Variants in ABHD16A observed in about 807,000 individuals in gnomAD.
ABHD16A encodes abhydrolase domain containing 16A, phospholipase.
Under a neutral mutation model 89.8 loss-of-function variants are expected in ABHD16A, and 47 were observed. The ratio of observed to expected loss-of-function variants is 0.52; its 90% CI spans 0.41 to 0.67. ABHD16A has a LOEUF of 0.67. Ranked by LOEUF, ABHD16A falls within the 30% of genes least tolerant of loss-of-function variation. ABHD16A has a pLI of 0.00. For missense variants in ABHD16A, 580 were observed against 734.6 expected, an observed-to-expected ratio of 0.79 and a Z score of 2.43; for synonymous variants, 251 against 280.4, an observed-to-expected ratio of 0.90 and a Z score of 1.05.
chr6:31,687,634 C>G lies in ABHD16A; in HGVS notation c.1546+8G>C, dbSNP rs1255977707. The G allele has an allele frequency of 6.2e-7, 1 of 1,612,986 alleles. No homozygotes were observed. The highest frequency in any genetic ancestry group is 1.7e-5 in the Admixed American group (1 of 60,028). On this transcript the variant is annotated splice_region_variant and intron_variant, in intron 18 of 19. Coordinates refer to ENST00000395952, the MANE Select transcript of ABHD16A (RefSeq NM_021160.3). This position sits in a 1 kb window ranked among gnomAD's most constrained non-coding sequence, Gnocchi z 6.3. The stretch of plus-strand genomic sequence containing the variant: ...CCCACCCTCTCTCCTGCCCCAGGAG[C>G]TCCTTACCCACGCTCCAGGGGAAGT...
Position 31,690,042 on chromosome 6 carries a change from T to C in ABHD16A, c.957+36A>G, listed in dbSNP as rs747572468. On this transcript the variant is annotated intron_variant, in intron 11 of 19. Coordinates refer to ENST00000395952, the MANE Select transcript of ABHD16A (RefSeq NM_021160.3). The surrounding 1 kb of genome is among the most constrained non-coding windows in gnomAD (Gnocchi z 4.1). ...GCTGACCAGAGGGAAACAGACATAA[T>C]TCAGGAAAAGGAAGGGATTCCTGAG... 6.4e-7 allele frequency: 1 copy of C among 1,556,156 alleles called. No homozygotes were observed. Among genetic ancestry groups the C allele is most frequent in the South Asian group, 1.2e-5 (1 of 82,152 alleles).
chr6:31,687,665 C>G lies in ABHD16A; in HGVS notation c.1523G>C (p.Gly508Ala). The G allele has an allele frequency of 1.2e-6, 2 of 1,612,902 alleles. No individual in the cohort carries two copies. The highest frequency in any genetic ancestry group is 2.2e-5 in the South Asian group (2 of 91,078). ...SVLRSYQAEH[G>A]PDFPWSVGED... Reference sequence around the variant, plus strand: ...ACCCACGCTCCAGGGGAAGTCGGGCCCGTGTTCTGCCTGGTAGGAGCGGAG... The same window carrying G: ...ACCCACGCTCCAGGGGAAGTCGGGCGCGTGTTCTGCCTGGTAGGAGCGGAG... Residue 508 changes from glycine (G) to alanine (A), a missense_variant, in exon 18 of 20, where the codon GGG becomes GCG. Physicochemically the swap from Gly to Ala is moderately conservative, Grantham distance 60 (BLOSUM62 0). Around this residue, in one of 2 missense-constraint regions of ABHD16A, gnomAD observed 415 missense variants for 568.8 expected, o/e 0.73. Transcript: ENST00000395952. This position sits in a 1 kb window ranked among gnomAD's most constrained non-coding sequence, Gnocchi z 6.3.
chr6:31,689,219 C>T, intron 12 of ABHD16A, 100 bp from the exon 13 acceptor site: 1 of 1,054,062 alleles, frequency 9.5e-7, no homozygotes, highest in South Asian at 1.6e-5. Flanking sequence ...CAACCCCATT[C>T]CCCCTATGTT....
rs745835378 is a variant in ABHD16A at position 31,701,298 on chromosome 6, C to T, written c.232G>A (p.Ala78Thr). The T allele has an allele frequency of 1.5e-5, 24 of 1,613,320 alleles. No individual in the cohort carries two copies. The highest frequency in any genetic ancestry group is 1.9e-5 in the Non-Finnish European group (22 of 1,179,764). Residue 78 changes from alanine (A) to threonine (T), a missense_variant, in exon 3 of 20, where the codon GCC becomes ACC. Ala to Thr is a moderately conservative substitution (Grantham distance 58). Around this residue, in one of 2 missense-constraint regions of ABHD16A, gnomAD observed 165 missense variants for 165.8 expected, o/e 1.00. Transcript: ENST00000395952. Reference protein sequence around the residue: ...WSISYYSSPFAFFYLYRKGYL... With the variant: ...WSISYYSSPFTFFYLYRKGYL... ...CCTTTCCTGTACAAGTAGAAGAAGGCGAAGGGAGAGGAGTAATAAGAGATG... is the reference window on the plus strand; with the variant it reads ...CCTTTCCTGTACAAGTAGAAGAAGGTGAAGGGAGAGGAGTAATAAGAGATG...
Position 31,687,130 on chromosome 6 carries a change from G to C in ABHD16A, c.*82C>G. The C allele has an allele frequency of 1.5e-6, 2 of 1,337,408 alleles. No homozygotes were observed. Among genetic ancestry groups the C allele is most frequent in the Non-Finnish European group, 1.0e-6 (1 of 957,706 alleles). 82.8% of individuals were successfully genotyped at this position (1,337,408 alleles called of 1,614,324 possible). ...TTCCACAAACTATAAACAGCAACAT[G>C]AACACAGAGAATCACAAATAAGAGG... On this transcript the variant is annotated 3_prime_UTR_variant, in exon 20 of 20. Transcript: ENST00000395952. The surrounding 1 kb of genome is among the most constrained non-coding windows in gnomAD (Gnocchi z 6.3).
chr6:31,701,566 T>TGGAATTATGGA (rs1348772098), intron 2 of ABHD16A, among the ~76,000 whole-genome samples: 6 of 152,186 alleles, frequency 3.9e-5, no homozygotes, highest in Admixed American at 6.5e-5. Flanking sequence ...TTTCTTCCTC[T>TGGAATTATGGA]GGAATTATGG....
chr6:31,688,411 A>C lies in ABHD16A; in HGVS notation c.1251-106T>G. The stretch of plus-strand genomic sequence containing the variant: ...AGCATTCTTACCCTCCCCTTGCTAT[A>C]GCACAGCCCTTGACCTAGCCCTTCA... On this transcript the variant is annotated intron_variant, in intron 14 of 19. Transcript: ENST00000395952. The surrounding 1 kb of genome is among the most constrained non-coding windows in gnomAD (Gnocchi z 4.9). 8.4e-7 allele frequency: 1 copy of C among 1,191,900 alleles called. No homozygotes were observed. Among genetic ancestry groups the C allele is most frequent in the South Asian group, 1.3e-5 (1 of 78,332 alleles). 73.8% of individuals were successfully genotyped at this position (1,191,900 alleles called of 1,614,324 possible).
chr6:31,697,074 G>C (rs1157421024), intron 4 of ABHD16A, 41 bp from the exon 5 acceptor site: 1 of 1,558,870 alleles, frequency 6.4e-7, no homozygotes, highest in South Asian at 1.1e-5. Context: ...GGAAAACTGG[G>C]AAGCAGAAAG....
At position 31,687,176 on chromosome 6, in the gene ABHD16A, T is replaced by C. The variant is rs1185163520; in HGVS notation, c.*36A>G. On this transcript the variant is annotated 3_prime_UTR_variant, in exon 20 of 20. Coordinates refer to ENST00000395952, the MANE Select transcript of ABHD16A (RefSeq NM_021160.3). The surrounding 1 kb of genome is among the most constrained non-coding windows in gnomAD (Gnocchi z 6.3). ...AGAGGGTCTTTCCTCATGTCTCCTC[T>C]CACCCCATTCTTCCATAATGAGTCC... 1 of 1,568,714 alleles carries C rather than the reference T, an allele frequency of 6.4e-7. No homozygotes were observed. Among genetic ancestry groups the C allele is most frequent in the Admixed American group, 1.7e-5 (1 of 59,284 alleles).
At chr6:31,695,805 C>T (rs1456687054) in intron 5 of ABHD16A, among the ~76,000 whole-genome samples, 1 of 152,174 alleles carries the variant, frequency 6.6e-6, no homozygotes, top group Non-Finnish European at 1.5e-5. Context: ...CCAAGGCAGG[C>T]AGATCGTCTG....
At position 31,688,784 on chromosome 6, in the gene ABHD16A, C is replaced by T. The variant is rs767820748; in HGVS notation, c.1189G>A (p.Gly397Ser). Residue 397 changes from glycine (G) to serine (S), a missense_variant and splice_region_variant, in exon 14 of 20, where the codon GGC becomes AGC. Transcript: ENST00000395952. The surrounding 1 kb of genome is among the most constrained non-coding windows in gnomAD (Gnocchi z 4.9). ...TGCCTCACGGTCCTGGTCACCAGGC[C>T]CCCTAGAGTGGGATAAAGGTGAAGG... The part of the protein sequence containing the change: ...ALKVMPDSWR[G>S]LVTRTVRQHL... The T allele has an allele frequency of 1.2e-5, 19 of 1,612,790 alleles. No homozygotes were observed. The highest frequency in any genetic ancestry group is 1.6e-5 in the Non-Finnish European group (19 of 1,179,870).
chr6:31,691,284 T>G (rs1004220585), intron 9 of ABHD16A, among the ~76,000 whole-genome samples: 17 of 152,188 alleles, frequency 1.1e-4, no homozygotes, highest in Non-Finnish European at 2.9e-5. Context: ...GGGATTCTTT[T>G]GAGAATTAAA....
chr6:31,693,013 C>T lies in ABHD16A; in HGVS notation c.626+14G>A, dbSNP rs1035547199. The T allele has an allele frequency of 1.9e-6, 3 of 1,614,126 alleles. No individual in the cohort carries two copies. The African/African-American group carries it at 4.0e-5, about 22-fold the overall frequency. ...CTCCACCCCAGTGGGCCTCTCCTCG[C>T]TGCTGTTTCCCACCTGGTGATCTGA... On this transcript the variant is annotated intron_variant, in intron 7 of 19. Transcript: ENST00000395952. This position sits in a 1 kb window ranked among gnomAD's most constrained non-coding sequence, Gnocchi z 5.0.
chr6:31,702,622 C>T, intron 1 of ABHD16A: 2 of 1,490,714 alleles, frequency 1.3e-6, no homozygotes, highest in East Asian at 2.5e-5. Context: ...CACCACCCGC[C>T]AGCTCTCCAG....
At chr6:31,702,580 T>C (rs1249728990) in intron 1 of ABHD16A, 8 of 1,420,708 alleles carry the variant, frequency 5.6e-6, no homozygotes, top group South Asian at 1.6e-5. Flanking sequence ...AGACAACTGA[T>C]AAAAAGGAAG....
intron 5 of ABHD16A, among the ~76,000 whole-genome samples, chr6:31,696,637 A>AC (rs1804424893): frequency 6.6e-6 from 1 of 151,982 alleles, no homozygotes; most frequent in South Asian, 2.1e-4. Flanking sequence ...CCATCTCAAA[A>AC]AAAAAAAAAG....
rs1160794857 is a variant in ABHD16A at position 31,687,131 on chromosome 6, AAC to A, written c.*79_*80del. 4.5e-6 allele frequency: 6 copies of A among 1,345,892 alleles called. No individual in the cohort carries two copies. Among genetic ancestry groups the A allele is most frequent in the Non-Finnish European group, 1.0e-6 (1 of 964,814 alleles). The allele number at this position is 1,345,892 out of a possible 1,614,324, so 83.4% of individuals were successfully genotyped here. A position where few individuals can be genotyped will look rare whatever the true frequency, so the allele number is the denominator to read the frequency against. On this transcript the variant is annotated 3_prime_UTR_variant, in exon 20 of 20. Transcript: ENST00000395952. This position sits in a 1 kb window ranked among gnomAD's most constrained non-coding sequence, Gnocchi z 6.3. ...TCCACAAACTATAAACAGCAACATG[AAC>A]ACAGAGAATCACAAATAAGAGGGTC...
chr6:31,700,093 C>T (rs1804800630), intron 4 of ABHD16A, among the ~76,000 whole-genome samples: 1 of 150,784 alleles, frequency 6.6e-6, no homozygotes, highest in South Asian at 2.1e-4. Context: ...ATTTGCATTG[C>T]TATATAGTGT....
At chr6:31,702,611 C>A (rs1805124394) in intron 1 of ABHD16A, 1 of 1,481,464 alleles carries the variant, frequency 6.8e-7, no homozygotes, top group Non-Finnish European at 8.9e-7. Flanking sequence ...GAACAGCCTA[C>A]CACCACCCGC....
Sources: allele counts gnomAD v4.1 joint callset (sites outside exome capture counted in the v4.1 genomes callset), GRCh38; gene constraint gnomAD v4.1.1; regional missense constraint gnomAD v4.1.1; non-coding constraint Gnocchi (gnomAD v3.1); transcripts MANE v1.5; gene names NCBI Gene and HGNC (gene_info 2026-07-23, HGNC 2026-07-21).